Variants in PHLPP2 observed in about 807,000 individuals in gnomAD.
The protein encoded by PHLPP2 is PH domain and leucine rich repeat protein phosphatase 2.
PHLPP2 carries 66 observed loss-of-function variants against 124.9 expected under a neutral mutation model. The ratio of observed to expected loss-of-function variants is 0.53; its 90% confidence interval spans 0.43 to 0.65. PHLPP2 has a LOEUF of 0.65. Among genes scored for constraint, PHLPP2 ranks in the 30% least tolerant of loss-of-function variants. The pLI, the probability that PHLPP2 is intolerant of heterozygous loss-of-function variation, is 0.00. For missense variants in PHLPP2, 1,685 were observed against 1,600.4 expected, an observed-to-expected ratio of 1.05 and a Z score of -0.90; for synonymous variants, 681 against 624.7, an observed-to-expected ratio of 1.09 and a Z score of -1.34.
chr16:71,698,669 G>A (rs1278831363), intron 3 of PHLPP2: 4 of 528,260 alleles, frequency 7.6e-6, no homozygotes, highest in Non-Finnish European at 1.4e-5. Flanking sequence ...GCCTCCCTGA[G>A]GAAAGGAACT....
chr16:71,716,757 T>A (rs957680783), intron 1 of PHLPP2, among the ~76,000 whole-genome samples: 7 of 152,172 alleles, frequency 4.6e-5, no homozygotes, highest in Non-Finnish European at 8.8e-5. Context: ...AAAATCCTAC[T>A]CAGGCATCAC....
At chr16:71,691,299 A>T (rs1256663683) in intron 3 of PHLPP2, among the ~76,000 whole-genome samples, 1 of 151,836 alleles carries the variant, frequency 6.6e-6, no homozygotes, top group Non-Finnish European at 1.5e-5. Flanking sequence ...CTAAAAATAC[A>T]AAAACAAAAA....
chr16:71,650,717 A>C (rs1024959683), intron 18 of PHLPP2, among the ~76,000 whole-genome samples: 1 of 152,230 alleles, frequency 6.6e-6, no homozygotes, highest in Admixed American at 6.5e-5. Context: ...GAAACGAAAA[A>C]AATACAAAAC....
chr16:71,677,132 T>TCAA (rs2044954196), intron 8 of PHLPP2: 1 of 163,400 alleles, frequency 6.1e-6, no homozygotes, highest in Admixed American at 5.6e-5. Flanking sequence ...GATGAATAAC[T>TCAA]CAAGGTACAG....
At chr16:71,664,539 G>A (rs1341935180) in intron 12 of PHLPP2, among the ~76,000 whole-genome samples, 1 of 152,086 alleles carries the variant, frequency 6.6e-6, no homozygotes, top group Non-Finnish European at 1.5e-5. Flanking sequence ...ACAAGGTCAA[G>A]AGATCAAGAC....
intron 5 of PHLPP2, among the ~76,000 whole-genome samples, chr16:71,684,179 G>A (rs931404046): frequency 6.9e-6 from 1 of 145,148 alleles, no homozygotes; most frequent in African/African-American, 2.6e-5. Context: ...AGGCTGGAGT[G>A]CAGTGGCGCG....
chr16:71,710,460 C>T lies in PHLPP2; in HGVS notation c.284+4052G>A, dbSNP rs574367451. On this transcript the variant is annotated intron_variant, in intron 2 of 18. Coordinates refer to ENST00000568954, the MANE Select transcript of PHLPP2 (RefSeq NM_015020.3). ...AATCCCAGTAATCCCATTTCCAGGA[C>T]CTAGCCTAGGGAAATCAGCAATGTG... Among the ~76,000 whole-genome samples the T allele has an allele frequency of 4.1e-4, 62 of 152,202 alleles. 1 individual carries two copies. Among genetic ancestry groups the T allele is most frequent in the African/African-American group, 1.3e-3 (56 of 41,520 alleles).
chr16:71,658,521 G>A (rs1423090709), intron 14 of PHLPP2, 132 bp downstream of exon 14: 5 of 1,202,098 alleles, frequency 4.2e-6, no homozygotes, highest in Non-Finnish European at 5.8e-6. Context: ...CACATAAGAA[G>A]ACAATAATAT....
chr16:71,714,436 T>C, intron 2 of PHLPP2, 76 bp downstream of exon 2: 1 of 1,442,588 alleles, frequency 6.9e-7, no homozygotes. Context: ...ATTAAAATCC[T>C]AAAGTCCAGT....
rs750875122 is a variant in PHLPP2 at position 71,714,546 on chromosome 16, T to C, written c.250A>G (p.Ser84Gly). ...TCTCCATGAAGCTGTAAATAAAGAC[T>C]TTCTCTTCCCTCTCCAGCACATATT... ...SEICAGEGRE[S>G]LYLQLHGDLV... Residue 84 changes from serine to glycine, a missense_variant, in exon 2 of 19, where the codon AGT becomes GGT. Ser to Gly is a moderately conservative substitution (Grantham distance 56). Coordinates refer to ENST00000568954, the MANE Select transcript of PHLPP2 (RefSeq NM_015020.3). 24 of 1,613,274 alleles carry C rather than the reference T, an allele frequency of 1.5e-5. No homozygotes were observed. The highest frequency in any genetic ancestry group is 2.2e-5 in the East Asian group (1 of 44,874).
At chr16:71,665,806 A>T (rs2044834529) in intron 12 of PHLPP2, among the ~76,000 whole-genome samples, 1 of 152,266 alleles carries the variant, frequency 6.6e-6, no homozygotes, top group Admixed American at 6.5e-5. Context: ...TTGTAGATTA[A>T]CAACTGCATC....
intron 1 of PHLPP2, chr16:71,723,611 TGGGGCGGCCGACTGACTGACGCCGGGCG>T (rs1366926086): frequency 1.6e-5 from 5 of 307,292 alleles, no homozygotes; most frequent in East Asian, 1.1e-4. Context: ...CAGCCGGGTG[TGGGGCGGCCGACTGACTGACGCCGGGCG>T]GGGGCCGCCG....
intron 1 of PHLPP2, among the ~76,000 whole-genome samples, chr16:71,716,170 T>C (rs1406541966): frequency 2.0e-5 from 3 of 152,216 alleles, no homozygotes; most frequent in Non-Finnish European, 4.4e-5. Flanking sequence ...TAATATTCCC[T>C]TATACAAATA....
intron 9 of PHLPP2, among the ~76,000 whole-genome samples, chr16:71,674,548 A>C (rs956576057): frequency 6.6e-6 from 1 of 151,976 alleles, no homozygotes; most frequent in Non-Finnish European, 1.5e-5. Context: ...TAACTATCAC[A>C]ATATACATTT....
chr16:71,718,390 C>A (rs142945780), intron 1 of PHLPP2, among the ~76,000 whole-genome samples: 8,700 of 151,940 alleles, frequency 0.057, 474 homozygotes, highest in South Asian at 0.31. Context: ...CCAGCCTGGC[C>A]AACATAGTGA....
intron 3 of PHLPP2, among the ~76,000 whole-genome samples, chr16:71,700,222 T>C (rs545552711): frequency 6.6e-6 from 1 of 152,130 alleles, no homozygotes; most frequent in South Asian, 2.1e-4. Context: ...ATGAGCAACA[T>C]GGCGAGACCT....
intron 9 of PHLPP2, among the ~76,000 whole-genome samples, chr16:71,673,873 A>C (rs1332840354): frequency 6.6e-6 from 1 of 152,180 alleles, no homozygotes; most frequent in Admixed American, 6.5e-5. Context: ...ACCAGTTTTA[A>C]CACTCTTCTG....
At chr16:71,682,564 G>A (rs532412129) in intron 5 of PHLPP2, among the ~76,000 whole-genome samples, 3 of 152,150 alleles carry the variant, frequency 2.0e-5, no homozygotes, top group Non-Finnish European at 4.4e-5. Flanking sequence ...ATGGCCTTCT[G>A]TAGCCACACT....
intron 2 of PHLPP2, among the ~76,000 whole-genome samples, chr16:71,703,992 A>C (rs1367608189): frequency 1.3e-5 from 2 of 152,188 alleles, no homozygotes; most frequent in Admixed American, 6.5e-5. Flanking sequence ...AAAGGTCTGA[A>C]AGAACATTTA....
Sources: gnomAD v4.1 joint callset for allele counts (sites outside exome capture counted in the v4.1 genomes callset) on GRCh38, gnomAD v4.1.1 for gene constraint, MANE v1.5 for transcripts, NCBI Gene and HGNC (gene_info 2026-07-23, HGNC 2026-07-21) for gene names.